The following SEC23IP variants were observed in gnomAD, a reference collection of about 807,000 sequenced individuals.
The protein encoded by SEC23IP is SEC23 interacting protein, also known as SEC23-interacting protein.
Under a neutral mutation model 113.4 loss-of-function variants are expected in SEC23IP, and 70 were observed. The ratio of observed to expected loss-of-function variants is 0.62; its 90% confidence interval spans 0.51 to 0.75. SEC23IP has a LOEUF of 0.75. Ranked by LOEUF, SEC23IP falls within the 30% of genes least tolerant of loss-of-function variation. The probability of loss-of-function intolerance (pLI) is 0.00; values close to 1 mark genes in which losing one functional copy is unlikely to be tolerated. For missense variants in SEC23IP, 1,160 were observed against 1,204.9 expected (o/e 0.96, Z 0.55); for synonymous variants, 398 against 421.0 (o/e 0.95, Z 0.67).
At chr10:119,920,531 T>C (rs1302191213) in intron 11 of SEC23IP, among the ~76,000 whole-genome samples, 2 of 152,232 alleles carry the variant, frequency 1.3e-5, no homozygotes, top group Admixed American at 1.3e-4. Context: ...GTAAGTGCTA[T>C]GCATACATAA....
In SEC23IP at chr10:119,923,297, G is replaced by A. The variant is rs537239448; in HGVS notation, c.2121+2313G>A. Among the ~76,000 whole-genome samples the A allele has an allele frequency of 2.6e-5, 4 of 151,862 alleles. No homozygotes were observed. In the East Asian group the frequency reaches 5.8e-4, roughly 22 times the overall value. Reference sequence around the variant, plus strand: ...TTTCTCAGCTGAGTTGCCATTGATTGCTTTACACTTCTTACAGATAACAAG... The same window carrying A: ...TTTCTCAGCTGAGTTGCCATTGATTACTTTACACTTCTTACAGATAACAAG... On this transcript the variant is annotated intron_variant, in intron 12 of 18. Coordinates refer to ENST00000369075, the MANE Select transcript of SEC23IP (RefSeq NM_007190.4).
chr10:119,918,430 AG>A lies in SEC23IP; in HGVS notation c.1792del (p.Asp598IlefsTer2). On this transcript the variant is annotated frameshift_variant, in exon 10 of 19. Transcript: ENST00000369075. LOFTEE classifies it high-confidence loss of function. Reference sequence around the variant, plus strand: ...TGTTTGACATCCTGTCTAATCAAAAAGATTTGAATTTATCAAAGTGCCCTGG... The same window carrying A: ...TGTTTGACATCCTGTCTAATCAAAAAATTTGAATTTATCAAAGTGCCCTGG... ...ILFDILSNQK[D>X]LNLSKCPGPL... 6.2e-7 allele frequency: 1 copy of A among 1,612,640 alleles called. No individual in the cohort carries two copies. Among genetic ancestry groups the A allele is most frequent in the Non-Finnish European group, 8.5e-7 (1 of 1,178,654 alleles).
intron 4 of SEC23IP, among the ~76,000 whole-genome samples, chr10:119,904,931 T>G (rs190140064): frequency 1.8e-4 from 28 of 152,228 alleles, no homozygotes; most frequent in Admixed American, 3.3e-4. Flanking sequence ...CCAGGAGTTT[T>G]GAGACCAGCC....
Position 119,898,519 on chromosome 10 carries a change from G to A in SEC23IP, c.256G>A (p.Val86Ile). 1.9e-6 allele frequency: 3 copies of A among 1,614,060 alleles called. No individual in the cohort carries two copies. The highest frequency in any genetic ancestry group is 2.5e-6 in the Non-Finnish European group (3 of 1,180,016). ...APQTFSYFSQVSSSSDPFGNI... is the reference protein window; with the variant it reads ...APQTFSYFSQISSSSDPFGNI... ...ACAGACATTTAGTTACTTCTCTCAG[G>A]TATCAAGCAGCAGTGATCCTTTTGG... The change falls in exon 2 of 19, where the codon GTA becomes ATA. Residue 86 changes from valine (V) to isoleucine (I), a missense_variant. Val to Ile is a conservative substitution (Grantham distance 29, BLOSUM62 3). Coordinates refer to ENST00000369075, the MANE Select transcript of SEC23IP (RefSeq NM_007190.4).
At chr10:119,940,422 T>C (rs555189976) in intron 18 of SEC23IP, among the ~76,000 whole-genome samples, 164 bp from the exon 19 acceptor site, 79 of 151,370 alleles carry the variant, frequency 5.2e-4, no homozygotes, top group Non-Finnish European at 1.1e-3. Flanking sequence ...TTCCTGACCT[T>C]GTGATCTGCC....
Position 119,929,769 on chromosome 10 carries a change from A to G in SEC23IP, c.2469+7A>G. 1 of 1,554,832 alleles carries G rather than the reference A, an allele frequency of 6.4e-7. No homozygotes were observed. The highest frequency in any genetic ancestry group is 8.7e-7 in the Non-Finnish European group (1 of 1,144,632). On this transcript the variant is annotated splice_region_variant and intron_variant, in intron 14 of 18. Transcript: ENST00000369075. ...CTTCAATATTTATCATCCGGTGAGT[A>G]ATTGAATTTACTTTGTTTTTTAAAA...
At chr10:119,923,031 G>A (rs117593539) in intron 12 of SEC23IP, among the ~76,000 whole-genome samples, 253 of 151,394 alleles carry the variant, frequency 1.7e-3, no homozygotes, top group Non-Finnish European at 3.2e-3. Flanking sequence ...AACAAGAAAT[G>A]AGAAGCTTTG....
intron 13 of SEC23IP, among the ~76,000 whole-genome samples, chr10:119,929,191 G>A (rs1589846986): frequency 6.6e-6 from 1 of 152,026 alleles, no homozygotes; most frequent in Non-Finnish European, 1.5e-5. Context: ...TATAGCCAGA[G>A]GATATAATAG....
At chr10:119,928,194 A>T (rs1302045810) in intron 13 of SEC23IP, among the ~76,000 whole-genome samples, 1 of 152,124 alleles carries the variant, frequency 6.6e-6, no homozygotes, top group South Asian at 2.1e-4. Flanking sequence ...TTATTTTCTC[A>T]TATGTTTTTT....
chr10:119,904,315 A>C (rs746780278), intron 4 of SEC23IP, 38 bp downstream of exon 4: 1 of 1,575,004 alleles, frequency 6.3e-7, no homozygotes, highest in Non-Finnish European at 8.7e-7. Context: ...TTCTTTAAAA[A>C]ATGTAGGTCC....
chr10:119,918,317 C>A (rs1312304339), intron 9 of SEC23IP, 76 bp from the exon 10 acceptor site: 1 of 888,032 alleles, frequency 1.1e-6, no homozygotes, highest in Non-Finnish European at 1.8e-6. Context: ...TGACTTTTGA[C>A]TATAGACAGT....
chr10:119,894,080 A>G (rs1271164170), intron 1 of SEC23IP, among the ~76,000 whole-genome samples: 7 of 152,156 alleles, frequency 4.6e-5, no homozygotes, highest in Non-Finnish European at 4.4e-5. Context: ...GTTTCTATGT[A>G]TGTGTAGCCT....
intron 18 of SEC23IP, among the ~76,000 whole-genome samples, chr10:119,937,042 T>C (rs1855812834): frequency 6.6e-6 from 1 of 151,852 alleles, no homozygotes; most frequent in African/African-American, 2.4e-5. Flanking sequence ...CGCCCGCTGC[T>C]GTGCCCAGCT....
In SEC23IP at chr10:119,898,595, C is replaced by T. The variant is rs1479542315; in HGVS notation, c.332C>T (p.Ser111Leu). The change falls in exon 2 of 19, where the codon TCA becomes TTA. Residue 111 changes from serine to leucine, a missense_variant. Coordinates refer to ENST00000369075, the MANE Select transcript of SEC23IP (RefSeq NM_007190.4). ...ACTGCAGCAACCTCAGTTGGACAAT[C>T]AGGATTCCCCAAGCCCCTGACTGCT... is the stretch of plus-strand genomic sequence containing the variant. ...LTTAATSVGQ[S>L]GFPKPLTALP... The T allele has an allele frequency of 6.2e-7, 1 of 1,614,246 alleles. No individual in the cohort carries two copies. Among genetic ancestry groups the T allele is most frequent in the Non-Finnish European group, 8.5e-7 (1 of 1,180,048 alleles).
chr10:119,941,860 A>G lies in SEC23IP; in HGVS notation c.*1295A>G, dbSNP rs539102145. On this transcript the variant is annotated 3_prime_UTR_variant, in exon 19 of 19. Coordinates refer to ENST00000369075, the MANE Select transcript of SEC23IP (RefSeq NM_007190.4). The stretch of plus-strand genomic sequence containing the variant: ...GTTAGCATTGGCTCCTAATGGTAGA[A>G]TTAGAACAGCAAGATTGTAGAGCTG... 1.3e-5 allele frequency: 2 copies of G among 152,742 alleles called. No homozygotes were observed. The highest frequency in any genetic ancestry group is 2.4e-5 in the African/African-American group (1 of 41,584). 9.5% of individuals were successfully genotyped at this position (152,742 alleles called of 1,614,324 possible).
At chr10:119,901,079 G>A (rs1471019679) in intron 2 of SEC23IP, among the ~76,000 whole-genome samples, 1 of 145,834 alleles carries the variant, frequency 6.9e-6, no homozygotes, top group African/African-American at 2.5e-5. Flanking sequence ...CCAGGGTGGA[G>A]TGCAGTGGTG....
At chr10:119,906,298 AAAAG>A (rs941988916) in intron 4 of SEC23IP, among the ~76,000 whole-genome samples, 5 of 151,482 alleles carry the variant, frequency 3.3e-5, no homozygotes, top group Non-Finnish European at 5.9e-5. Context: ...AAAAAAAAAA[AAAAG>A]AAACGGAGCT....
intron 18 of SEC23IP, among the ~76,000 whole-genome samples, chr10:119,937,678 A>T (rs1272359733): frequency 6.6e-6 from 1 of 151,738 alleles, no homozygotes; most frequent in African/African-American, 2.4e-5. Flanking sequence ...ATGATTAATT[A>T]TTTTTTAGAT....
At chr10:119,933,363 G>C (rs1437069782) in intron 17 of SEC23IP, among the ~76,000 whole-genome samples, 196 bp downstream of exon 17, 1 of 152,122 alleles carries the variant, frequency 6.6e-6, no homozygotes, top group Admixed American at 6.5e-5. Context: ...TTTGACCAAA[G>C]ACCCTTGGTT....
Sources: gnomAD v4.1 joint callset for allele counts (sites outside exome capture counted in the v4.1 genomes callset) on GRCh38, gnomAD v4.1.1 for gene constraint, MANE v1.5 for transcripts, NCBI Gene and HGNC (gene_info 2026-07-23, HGNC 2026-07-21) for gene names.